The following PDE4D variants were observed in gnomAD, a reference collection of about 807,000 sequenced individuals.
PDE4D encodes 3',5'-cyclic-AMP phosphodiesterase 4D.
In PDE4D, 24 loss-of-function variants were observed where a neutral mutation model predicts 87.4. The observed-to-expected ratio is 0.27, with a 90% confidence interval of 0.20 to 0.39. The LOEUF (loss-of-function observed/expected upper bound fraction) is 0.39. Among genes scored for constraint, PDE4D ranks in the 10% least tolerant of loss-of-function variants. The pLI is 1.00. For synonymous variants in PDE4D, 384 were observed against 383.2 expected (o/e 1.00, Z -0.02); for missense variants, 714 against 1,041.0 (o/e 0.69, Z 4.32).
At chr5:59,900,390 TA>T (rs1249086329) in intron 3 of PDE4D, among the ~76,000 whole-genome samples, 4 of 151,880 alleles carry the variant, frequency 2.6e-5, no homozygotes, top group African/African-American at 9.7e-5. Context: ...GGAAGAAAAT[TA>T]AAACATGGGT....
intron 1 of PDE4D, among the ~76,000 whole-genome samples, chr5:59,486,799 T>C (rs1307872604): frequency 1.3e-5 from 2 of 152,202 alleles, no homozygotes; most frequent in African/African-American, 4.8e-5. Flanking sequence ...ATGCATTAAA[T>C]ATACAATGCC....
chr5:60,433,310 A>G (rs1449642185), intron 1 of PDE4D, among the ~76,000 whole-genome samples: 1 of 152,252 alleles, frequency 6.6e-6, no homozygotes, highest in African/African-American at 2.4e-5. Flanking sequence ...GCCAACAAGC[A>G]TATGAAAAAA....
chr5:60,455,244 G>T (rs2150159027), intron 1 of PDE4D, among the ~76,000 whole-genome samples: 1 of 152,278 alleles, frequency 6.6e-6, no homozygotes, highest in African/African-American at 2.4e-5. Context: ...AAAAATTTGT[G>T]AGGGAACAAA....
chr5:60,154,782 C>A (rs1398290312), intron 2 of PDE4D, among the ~76,000 whole-genome samples: 2 of 152,130 alleles, frequency 1.3e-5, no homozygotes, highest in Non-Finnish European at 2.9e-5. Flanking sequence ...TTTCTAAAAC[C>A]AAAACAATAC....
At chr5:59,684,494 G>A (rs1403228436) in intron 1 of PDE4D, among the ~76,000 whole-genome samples, 5 of 152,120 alleles carry the variant, frequency 3.3e-5, no homozygotes, top group Admixed American at 3.3e-4. Flanking sequence ...TTAGCCACTA[G>A]GTTGTACAGA....
intron 2 of PDE4D, among the ~76,000 whole-genome samples, chr5:59,200,853 T>C (rs1747178893): frequency 6.6e-6 from 1 of 152,024 alleles, no homozygotes; most frequent in African/African-American, 2.4e-5. Flanking sequence ...TGCATGTATG[T>C]GAGCACATGT....
chr5:60,189,480 TG>T (rs1785040449), intron 1 of PDE4D, among the ~76,000 whole-genome samples: 2 of 152,276 alleles, frequency 1.3e-5, no homozygotes, highest in South Asian at 4.1e-4. Flanking sequence ...AGCGTTGTTA[TG>T]GGGATTAATC....
At chr5:60,337,506 T>C (rs1583460923) in intron 1 of PDE4D, among the ~76,000 whole-genome samples, 1 of 151,200 alleles carries the variant, frequency 6.6e-6, no homozygotes, top group Non-Finnish European at 1.5e-5. Flanking sequence ...GTGATCAAAC[T>C]GTTCTATACA....
intron 3 of PDE4D, among the ~76,000 whole-genome samples, chr5:59,918,926 G>A (rs1754370342): frequency 6.6e-6 from 1 of 152,174 alleles, no homozygotes; most frequent in Non-Finnish European, 1.5e-5. Flanking sequence ...TAGTAAGTGT[G>A]TGTTGTTTTA....
intron 1 of PDE4D, among the ~76,000 whole-genome samples, chr5:59,616,918 C>CATCTATATATATATAT (rs1829742765): frequency 1.6e-5 from 1 of 62,890 alleles, no homozygotes; most frequent in Admixed American, 2.3e-4. Context: ...CTAATAATTA[C>CATCTATATATATATAT]ATATATATAT....
At chr5:59,423,542 A>G (rs1794772030) in intron 1 of PDE4D, among the ~76,000 whole-genome samples, 1 of 152,218 alleles carries the variant, frequency 6.6e-6, no homozygotes, top group Non-Finnish European at 1.5e-5. Flanking sequence ...ATTTATTATG[A>G]TAGTGCAGTA....
intron 2 of PDE4D, among the ~76,000 whole-genome samples, chr5:60,177,518 A>C (rs966415743): frequency 6.6e-6 from 1 of 152,176 alleles, no homozygotes; most frequent in African/African-American, 2.4e-5. Context: ...AATGTCCGAC[A>C]AACAGAGGCA....
chr5:59,482,128 C>T (rs1804378340), intron 1 of PDE4D, among the ~76,000 whole-genome samples: 1 of 152,112 alleles, frequency 6.6e-6, no homozygotes, highest in Admixed American at 6.6e-5. Context: ...CTAGCTACAA[C>T]ATCCCCTTAA....
intron 5 of PDE4D, among the ~76,000 whole-genome samples, chr5:59,166,031 C>T (rs1228673283): frequency 2.6e-5 from 4 of 152,130 alleles, no homozygotes; most frequent in South Asian, 2.1e-4. Context: ...CACCACCTGT[C>T]GCCCCACTAA....
intron 1 of PDE4D, among the ~76,000 whole-genome samples, chr5:59,670,040 CCACCA>C (rs1391916406): frequency 6.6e-6 from 1 of 152,054 alleles, no homozygotes; most frequent in Non-Finnish European, 1.5e-5. Flanking sequence ...GGACTCTATG[CCACCA>C]CACCACTATC....
chr5:60,251,306 C>T (rs1486364301), intron 1 of PDE4D, among the ~76,000 whole-genome samples: 2 of 151,826 alleles, frequency 1.3e-5, no homozygotes, highest in Non-Finnish European at 2.9e-5. Flanking sequence ...ATTTCATCAC[C>T]AGGCATTAAG....
At chr5:59,815,833 C>T (rs116457859) in intron 1 of PDE4D, among the ~76,000 whole-genome samples, 110 of 152,312 alleles carry the variant, frequency 7.2e-4, no homozygotes, top group African/African-American at 2.6e-3. Flanking sequence ...AAGGAGACTT[C>T]TTTAATTTCA....
chr5:60,167,425 C>T (rs1334184566), intron 2 of PDE4D, among the ~76,000 whole-genome samples: 1 of 151,608 alleles, frequency 6.6e-6, no homozygotes, highest in Non-Finnish European at 1.5e-5. Context: ...CCCGCCACCT[C>T]GCCCGGCTAA....
intron 3 of PDE4D, among the ~76,000 whole-genome samples, chr5:59,901,644 A>G (rs754794857): frequency 6.6e-5 from 10 of 152,200 alleles, no homozygotes; most frequent in Non-Finnish European, 2.9e-5. Context: ...AAAGGAAAAC[A>G]GAATGGTAAT....
Sources: gnomAD v4.1 joint callset for allele counts (sites outside exome capture counted in the v4.1 genomes callset) on GRCh38, gnomAD v4.1.1 for gene constraint, MANE v1.5 for transcripts, NCBI Gene and HGNC (gene_info 2026-07-23, HGNC 2026-07-21) for gene names.